The following PCNX2 variants were observed in gnomAD, a reference collection of about 807,000 sequenced individuals.
The protein encoded by PCNX2 is pecanex-like protein 2.
In PCNX2, 168 loss-of-function variants were observed where a neutral mutation model predicts 223.8. That is an observed-to-expected ratio of 0.75 (90% CI 0.66 to 0.85). The LOEUF (loss-of-function observed/expected upper bound fraction) is 0.85, where lower values mean the gene tolerates loss of function less well. Ranked by LOEUF, PCNX2 falls within the 40% of genes least tolerant of loss-of-function variation. The probability of loss-of-function intolerance (pLI) is 0.00; values close to 1 mark genes in which losing one functional copy is unlikely to be tolerated. For synonymous variants in PCNX2, 1,006 were observed against 1,052.6 expected, an observed-to-expected ratio of 0.96 and a Z score of 0.86; for missense variants, 2,507 against 2,675.5, an observed-to-expected ratio of 0.94 and a Z score of 1.39.
chr1:233,138,139 T>A (rs538762772), intron 20 of PCNX2, among the ~76,000 whole-genome samples: 3 of 152,364 alleles, frequency 2.0e-5, no homozygotes, highest in Admixed American at 1.3e-4. Flanking sequence ...TTTCCACCTT[T>A]GGGTTCTGAG....
At chr1:233,092,389 G>T (rs920261454) in intron 22 of PCNX2, among the ~76,000 whole-genome samples, 1 of 152,086 alleles carries the variant, frequency 6.6e-6, no homozygotes, top group Admixed American at 6.6e-5. Context: ...TCTTGTTTTT[G>T]ATTCTAAAAT....
At chr1:233,005,037 A>G (rs1237517866) in intron 28 of PCNX2, among the ~76,000 whole-genome samples, 1 of 152,214 alleles carries the variant, frequency 6.6e-6, no homozygotes, top group African/African-American at 2.4e-5. Context: ...GCTGATGCCG[A>G]GAGTGGAGGC....
rs773211979 is a variant in PCNX2, at chr1:233,025,405, C to G, written c.4352-6G>C. ...CCTCTGCTGGCAGTAGGTTCCTGGCCGAGCACAAACATGAAGGAAGTTTGA... is the reference window on the plus strand; with the variant it reads ...CCTCTGCTGGCAGTAGGTTCCTGGCGGAGCACAAACATGAAGGAAGTTTGA... On this transcript the variant is annotated splice_region_variant and splice_polypyrimidine_tract_variant and intron_variant, in intron 25 of 33. Transcript: ENST00000258229. The G allele has an allele frequency of 4.3e-6, 7 of 1,613,050 alleles. No homozygotes were observed. In the Admixed American group the frequency reaches 1.0e-4, roughly 23 times the overall value.
At chr1:233,033,644 T>A (rs1330166274) in intron 25 of PCNX2, among the ~76,000 whole-genome samples, 3 of 152,244 alleles carry the variant, frequency 2.0e-5, no homozygotes, top group African/African-American at 7.2e-5. Flanking sequence ...TTTGCTGGGC[T>A]GTTTTAATAT....
chr1:233,035,980 T>C (rs2102850736), intron 25 of PCNX2, among the ~76,000 whole-genome samples: 1 of 152,326 alleles, frequency 6.6e-6, no homozygotes, highest in South Asian at 2.1e-4. Context: ...GAATTCTAAA[T>C]TTGTATTGCC....
intron 15 of PCNX2, among the ~76,000 whole-genome samples, chr1:233,184,095 T>C (rs6657737): frequency 0.039 from 5,994 of 152,328 alleles, 204 homozygotes; most frequent in African/African-American, 0.089. Flanking sequence ...CACTAACCAG[T>C]GCTGTGTATT....
intron 1 of PCNX2, 125 bp from the exon 2 acceptor site, chr1:233,263,288 T>A: frequency 1.2e-6 from 1 of 837,198 alleles, no homozygotes; most frequent in Non-Finnish European, 1.7e-6. Flanking sequence ...TTAGACTAAT[T>A]TTTTAAGTTT....
At position 233,047,318 on chromosome 1, in the gene PCNX2, C is replaced by T. The variant is rs1397614836; in HGVS notation, c.4351+6950G>A. ...ACATTTATTGTGCTAGATTAAGAAG[C>T]GCTGCTTGTGATGAGGAGCTGACAG... On this transcript the variant is annotated intron_variant, in intron 25 of 33. Coordinates refer to ENST00000258229, the MANE Select transcript of PCNX2 (RefSeq NM_014801.4). The T allele has an allele frequency of 1.3e-5, 12 of 894,814 alleles. No individual in the cohort carries two copies. In the South Asian group the frequency reaches 2.1e-4, roughly 15 times the overall value. The allele number at this position is 894,814 out of a possible 1,614,324, so 55.4% of individuals were successfully genotyped here.
chr1:233,142,726 C>A (rs1362325265), intron 19 of PCNX2, among the ~76,000 whole-genome samples: 1 of 152,164 alleles, frequency 6.6e-6, no homozygotes, highest in Non-Finnish European at 1.5e-5. Context: ...GTGGCAGGAC[C>A]TCTTGTGACC....
chr1:233,025,345 T>C lies in PCNX2; in HGVS notation c.4406A>G (p.Asp1469Gly). ...TGGTTTGCAGCAGCAGCAGCCTCTG[T>C]CCTCCTCGTCGCCCTCCATGATGGC... Reference protein sequence around the residue: ...VEAIMEGDEEDRGCCCCKPGH... With the variant: ...VEAIMEGDEEGRGCCCCKPGH... Residue 1469 changes from aspartate to glycine, a missense_variant, in exon 26 of 34, where the codon GAC (aspartate) becomes GGC (glycine). Transcript: ENST00000258229. 1 of 1,614,004 alleles carries C rather than the reference T, an allele frequency of 6.2e-7. No individual in the cohort carries two copies. The highest frequency in any genetic ancestry group is 8.5e-7 in the Non-Finnish European group (1 of 1,179,884).
At chr1:233,179,036 G>C in intron 16 of PCNX2, 30 bp downstream of exon 16, 1 of 1,588,244 alleles carries the variant, frequency 6.3e-7, no homozygotes, top group Non-Finnish European at 8.6e-7. Flanking sequence ...CCAGCTCAGT[G>C]ATGAGAGAGC....
chr1:233,161,188 G>A, intron 18 of PCNX2, 83 bp downstream of exon 18: 1 of 1,306,538 alleles, frequency 7.7e-7, no homozygotes, highest in Non-Finnish European at 1.1e-6. Context: ...CACGTGTCTT[G>A]TCAATACCCT....
intron 8 of PCNX2, among the ~76,000 whole-genome samples, chr1:233,240,590 T>G (rs1484915594): frequency 6.6e-6 from 1 of 152,210 alleles, no homozygotes; most frequent in Non-Finnish European, 1.5e-5. Context: ...GGTGAATCTT[T>G]GGTAAACTAG....
At chr1:233,303,989 A>G in the PCNX2 span, among the ~76,000 whole-genome samples, 3 of 152,186 alleles carry the variant, frequency 2.0e-5, no homozygotes, top group African/African-American at 7.2e-5. Context: ...TGCAGTTGTA[A>G]TAGTACTGGA....
At chr1:233,262,014 A>G (rs1180903128) in intron 3 of PCNX2, 31 bp downstream of exon 3, 2 of 1,612,466 alleles carry the variant, frequency 1.2e-6, no homozygotes, top group South Asian at 2.2e-5. Context: ...AATCACATGA[A>G]GAGGGTGAAA....
chr1:233,090,211 CA>C (rs3215688), intron 22 of PCNX2, 21 bp from the exon 23 acceptor site: 200,503 of 1,116,386 alleles, frequency 0.18, 8,403 homozygotes, highest in East Asian at 0.24. Context: ...TGAGTTAAGG[CA>C]AAAAAAAAAA....
At chr1:233,147,249 C>T (rs6674799) in intron 19 of PCNX2, among the ~76,000 whole-genome samples, 15,606 of 152,186 alleles carry the variant, frequency 0.1, 2,414 homozygotes, top group African/African-American at 0.34. Context: ...TAATGTTGAT[C>T]AGAAGCCTCA....
At chr1:233,200,366 G>A in intron 13 of PCNX2, 102 bp from the exon 14 acceptor site, 1 of 564,648 alleles carries the variant, frequency 1.8e-6, no homozygotes, top group Non-Finnish European at 3.0e-6. Context: ...ACCCCACCCA[G>A]GAATACTGGA....
At chr1:233,290,027 G>A (rs1182763853) in intron 1 of PCNX2, among the ~76,000 whole-genome samples, 3 of 152,072 alleles carry the variant, frequency 2.0e-5, no homozygotes, top group East Asian at 3.9e-4. Context: ...AGCCTGGGGG[G>A]CGGGGGGAAA....
Sources: gnomAD v4.1 joint callset for allele counts (sites outside exome capture counted in the v4.1 genomes callset) on GRCh38, gnomAD v4.1.1 for gene constraint, MANE v1.5 for transcripts, NCBI Gene and HGNC (gene_info 2026-07-23, HGNC 2026-07-21) for gene names.